The following C10orf90 variants were observed in gnomAD, a reference collection of about 807,000 sequenced individuals.
The protein encoded by C10orf90 is chromosome 10 open reading frame 90.
Under a neutral mutation model 62.5 loss-of-function variants are expected in C10orf90, and 56 were observed. That is an observed-to-expected ratio of 0.90 (90% CI 0.72 to 1.12). The LOEUF is 1.12. Among genes scored for constraint, C10orf90 ranks in the 50% most tolerant of loss-of-function variants. C10orf90 has a pLI of 0.00. For synonymous variants in C10orf90, 386 were observed against 340.4 expected, an observed-to-expected ratio of 1.13 and a Z score of -1.47; for missense variants, 970 against 880.4, an observed-to-expected ratio of 1.10 and a Z score of -1.29.
intron 2 of C10orf90, among the ~76,000 whole-genome samples, chr10:126,607,066 T>TA (rs1463034657): frequency 6.6e-6 from 1 of 152,220 alleles, no homozygotes; most frequent in African/African-American, 2.4e-5. Flanking sequence ...AGTTACCATT[T>TA]GCACAGATGG....
chr10:126,642,346 C>T lies in C10orf90; in HGVS notation c.313+4219G>A, dbSNP rs571996688. Among the ~76,000 whole-genome samples, 10 of 152,170 alleles carry T rather than the reference C, an allele frequency of 6.6e-5. No homozygotes were observed. In the South Asian group the frequency reaches 1.5e-3, roughly 22 times the overall value. ...GGGAGATCGAGACCATCCTGGCTAA[C>T]ATGGTGAAACCCCGTCTCTACTAAA... On this transcript the variant is annotated intron_variant, in intron 2 of 9. Coordinates refer to ENST00000488181, the MANE Select transcript of C10orf90 (RefSeq NM_001350921.2).
At chr10:126,550,158 G>A (rs1864600493) in intron 2 of C10orf90, among the ~76,000 whole-genome samples, 1 of 151,914 alleles carries the variant, frequency 6.6e-6, no homozygotes, top group South Asian at 2.1e-4. Flanking sequence ...GTTTTGCCAT[G>A]TTGGCCAGGC....
intron 4 of C10orf90, among the ~76,000 whole-genome samples, chr10:126,487,822 A>G (rs1172859113): frequency 6.6e-6 from 1 of 152,192 alleles, no homozygotes; most frequent in Non-Finnish European, 1.5e-5. Context: ...GGAAAGTCCA[A>G]TTTGTGAGAA....
chr10:126,467,379 C>G (rs1860350591), intron 4 of C10orf90, among the ~76,000 whole-genome samples: 1 of 152,244 alleles, frequency 6.6e-6, no homozygotes, highest in Admixed American at 6.5e-5. Context: ...CAGGTGGGCC[C>G]TCGCAGGACA....
At chr10:126,501,588 A>G (rs186506504) in intron 4 of C10orf90, among the ~76,000 whole-genome samples, 1 of 152,062 alleles carries the variant, frequency 6.6e-6, no homozygotes, top group Non-Finnish European at 1.5e-5. Context: ...AAAACACCCA[A>G]TCTACCCCCT....
At chr10:126,659,271 A>G (rs762908758) in intron 1 of C10orf90, among the ~76,000 whole-genome samples, 4 of 152,210 alleles carry the variant, frequency 2.6e-5, no homozygotes, top group African/African-American at 4.8e-5. Flanking sequence ...GGCAGTTTCC[A>G]GAAAGCATCA....
At chr10:126,646,683 C>A in intron 1 of C10orf90, 46 bp from the exon 2 acceptor site, 1 of 418,230 alleles carries the variant, frequency 2.4e-6, no homozygotes, top group Non-Finnish European at 4.7e-6. Flanking sequence ...TTTTGATTTG[C>A]CAGATATATA....
rs61226052 is a variant in C10orf90 at position 126,627,000 on chromosome 10, C to CTTTTTTTT, written c.313+19557_313+19564dup. Among the ~76,000 whole-genome samples, 694 of 119,404 alleles carry CTTTTTTTT rather than the reference C, an allele frequency of 5.8e-3. 8 individuals carry two copies. Among genetic ancestry groups the CTTTTTTTT allele is most frequent in the East Asian group, 9.8e-3 (43 of 4,410 alleles). The allele number at this position is 119,404 out of a possible 152,430, so 78.3% of individuals were successfully genotyped here. A position where few individuals can be genotyped will look rare whatever the true frequency, so the allele number is the denominator to read the frequency against. ...AGATTTTTCTTTTTCTTTTTCTTTTCTTTTTTTTTTTTTTTTTGAGACGTA... is the reference window on the plus strand; with the variant it reads ...AGATTTTTCTTTTTCTTTTTCTTTTCTTTTTTTTTTTTTTTTTTTTTTTTTGAGACGTA... On this transcript the variant is annotated intron_variant, in intron 2 of 9. Transcript: ENST00000488181.
chr10:126,637,383 A>G (rs541697485), intron 2 of C10orf90, among the ~76,000 whole-genome samples: 1 of 152,260 alleles, frequency 6.6e-6, no homozygotes, highest in African/African-American at 2.4e-5. Flanking sequence ...ACCTCCCACC[A>G]GCCAGCCCAT....
chr10:126,615,824 T>G (rs1446539926), intron 2 of C10orf90, among the ~76,000 whole-genome samples: 1 of 152,138 alleles, frequency 6.6e-6, no homozygotes, highest in African/African-American at 2.4e-5. Flanking sequence ...GGGCTCAAGA[T>G]CAGGCTGTGT....
intron 7 of C10orf90, among the ~76,000 whole-genome samples, chr10:126,441,083 A>G (rs1219330782): frequency 6.6e-6 from 1 of 152,226 alleles, no homozygotes; most frequent in African/African-American, 2.4e-5. Context: ...TATTAAGCTA[A>G]TCAAGGAGGC....
chr10:126,470,126 G>T (rs1053104156), intron 4 of C10orf90: 1 of 431,388 alleles, frequency 2.3e-6, no homozygotes, highest in Admixed American at 2.4e-5. Flanking sequence ...GTGTCCTGCA[G>T]TGGAGGAAAA....
chr10:126,565,322 T>C lies in C10orf90; in HGVS notation c.314-51383A>G, dbSNP rs1237580676. On this transcript the variant is annotated intron_variant, in intron 2 of 9. Coordinates refer to ENST00000488181, the MANE Select transcript of C10orf90 (RefSeq NM_001350921.2). ...ATATTATATATTATATTATATATAT[T>C]ATATATTTATATTATATATAATATA... Among the ~76,000 whole-genome samples the C allele has an allele frequency of 5.5e-5, 3 of 54,766 alleles. No homozygotes were observed. The East Asian group carries it at 1.5e-3, about 28-fold the overall frequency. The allele number at this position is 54,766 out of a possible 152,430, so 35.9% of individuals were successfully genotyped here.
chr10:126,507,144 T>C (rs937053297), intron 3 of C10orf90, among the ~76,000 whole-genome samples: 1 of 151,990 alleles, frequency 6.6e-6, no homozygotes, highest in Non-Finnish European at 1.5e-5. Flanking sequence ...GATCATGAGG[T>C]CAGGAGATTA....
Position 126,623,812 on chromosome 10 carries a change from G to A in C10orf90, c.313+22753C>T, listed in dbSNP as rs181584339. 2.1e-3 allele frequency among the ~76,000 whole-genome samples: 302 copies of A among 141,750 alleles called. 6 individuals are homozygous for A. Among genetic ancestry groups the A allele is most frequent in the African/African-American group, 7.9e-3 (293 of 37,236 alleles). The allele number at this position is 141,750 out of a possible 152,430, so 93.0% of individuals were successfully genotyped here. A position where few individuals can be genotyped will look rare whatever the true frequency, so the allele number is the denominator to read the frequency against. On this transcript the variant is annotated intron_variant, in intron 2 of 9. Transcript: ENST00000488181. Reference sequence around the variant, plus strand: ...GCAGAGATCACGCCACTGCATTCCAGCCTGGGTGACAGAGCGAGACTCCAT... The same window carrying A: ...GCAGAGATCACGCCACTGCATTCCAACCTGGGTGACAGAGCGAGACTCCAT...
chr10:126,588,830 A>G (rs910264175), intron 2 of C10orf90, among the ~76,000 whole-genome samples: 1 of 152,192 alleles, frequency 6.6e-6, no homozygotes, highest in African/African-American at 2.4e-5. Context: ...CTCTCTAGCA[A>G]GGGCACAGAA....
intron 2 of C10orf90, among the ~76,000 whole-genome samples, chr10:126,547,115 C>CAACAACAAA (rs1864511607): frequency 6.7e-6 from 1 of 148,488 alleles, no homozygotes; most frequent in Non-Finnish European, 1.5e-5. Flanking sequence ...TCTCCAACCA[C>CAACAACAAA]AACAACAAAA....
At chr10:126,430,878 G>T (rs536451000) in intron 7 of C10orf90, among the ~76,000 whole-genome samples, 1 of 152,180 alleles carries the variant, frequency 6.6e-6, no homozygotes, top group Non-Finnish European at 1.5e-5. Flanking sequence ...CTTGAGAATA[G>T]ACAGAATTTT....
At chr10:126,461,728 A>G in intron 5 of C10orf90, 143 bp from the exon 6 acceptor site, 1 of 859,662 alleles carries the variant, frequency 1.2e-6, no homozygotes, top group Non-Finnish European at 1.7e-6. Context: ...TGACAAGATC[A>G]TGCCTCATCA....
Sources: allele counts gnomAD v4.1 joint callset (sites outside exome capture counted in the v4.1 genomes callset), GRCh38; gene constraint gnomAD v4.1.1; transcripts MANE v1.5; gene names NCBI Gene and HGNC (gene_info 2026-07-23, HGNC 2026-07-21).